TTC34: variants seen among roughly 807,000 people sequenced by gnomAD.
TTC34 encodes the protein tetratricopeptide repeat protein 34.
A neutral mutation model predicts 40.7 loss-of-function variants in TTC34; 44 were observed. The observed-to-expected ratio is 1.08, with a 90% confidence interval of 0.85 to 1.39. TTC34 has a LOEUF of 1.39. Among genes scored for constraint, TTC34 ranks in the 40% most tolerant of loss-of-function variants. TTC34 has a pLI of 0.00. For synonymous variants in TTC34, 422 were observed against 398.6 expected (o/e 1.06, Z -0.70); for missense variants, 884 against 838.0 (o/e 1.05, Z -0.68).
intron 6 of TTC34, among the ~76,000 whole-genome samples, chr1:2,686,999 C>G (rs61765670): frequency 0.05 from 2,871 of 57,356 alleles, 7 homozygotes; most frequent in African/African-American, 0.098. Flanking sequence ...GAAAAGCACC[C>G]ACACCCCCAG....
intron 6 of TTC34, among the ~76,000 whole-genome samples, chr1:2,653,396 C>G (rs796247134): frequency 4.0e-4 from 24 of 59,850 alleles, no homozygotes; most frequent in East Asian, 2.0e-3. Context: ...CAGCATGTAA[C>G]AGCACCCACA....
chr1:2,651,113 C>G (rs1639123348), intron 6 of TTC34, among the ~76,000 whole-genome samples: 1 of 152,034 alleles, frequency 6.6e-6, no homozygotes. Flanking sequence ...CCCAAACCCC[C>G]AGGTGAGCAA....
At chr1:2,683,737 T>A (rs1161371419) in intron 6 of TTC34, among the ~76,000 whole-genome samples, 13 of 149,196 alleles carry the variant, frequency 8.7e-5, no homozygotes, top group African/African-American at 3.3e-4. Context: ...GCTGATATCC[T>A]GGAACAGCAC....
intron 6 of TTC34, among the ~76,000 whole-genome samples, chr1:2,650,578 T>C (rs992930727): frequency 1.9e-4 from 28 of 148,272 alleles, no homozygotes; most frequent in African/African-American, 6.6e-4. Flanking sequence ...AGAATGGCAC[T>C]ACTACCCTGA....
At chr1:2,700,001 C>A (rs1215708612) in intron 6 of TTC34, among the ~76,000 whole-genome samples, 1 of 111,530 alleles carries the variant, frequency 9.0e-6, no homozygotes, top group Non-Finnish European at 2.1e-5. Context: ...CAGCCTGGAG[C>A]AGCGTCCACA....
At chr1:2,652,072 G>C (rs55657722) in intron 6 of TTC34, among the ~76,000 whole-genome samples, 15,845 of 20,326 alleles carry the variant, frequency 0.78, 6,755 homozygotes, top group Non-Finnish European at 0.82. Flanking sequence ...CAGCCTGGAG[G>C]AGCACCCACA....
chr1:2,685,160 C>A (rs1185488796), intron 6 of TTC34, among the ~76,000 whole-genome samples: 2 of 146,008 alleles, frequency 1.4e-5, no homozygotes, highest in African/African-American at 2.7e-5. Context: ...CACCCACAAC[C>A]CCACGTGAGC....
chr1:2,683,882 G>A lies in TTC34; in HGVS notation c.2227-38319C>T, dbSNP rs1352181068. Among the ~76,000 whole-genome samples, 4 of 151,580 alleles carry A rather than the reference G, an allele frequency of 2.6e-5. No individual in the cohort carries two copies. In the South Asian group the frequency reaches 8.3e-4, roughly 32 times the overall value. On this transcript the variant is annotated intron_variant, in intron 6 of 8. Transcript: ENST00000401095. ...TGGAGCAGAACCCACACCCCGAGGC[G>A]AGCATCTGACAGCCTGGGTCGGCAC...
chr1:2,680,544 C>A (rs1640027504), intron 6 of TTC34, among the ~76,000 whole-genome samples: 1 of 143,068 alleles, frequency 7.0e-6, no homozygotes, highest in Non-Finnish European at 1.6e-5. Flanking sequence ...CCCACACCCC[C>A]AGGTGAGCAT....
chr1:2,787,638 C>A (rs1022425489), exon 4 of TTC34: 2 of 1,549,912 alleles, frequency 1.3e-6, no homozygotes, highest in Admixed American at 2.0e-5. Context: ...CGCCAGGAGG[C>A]GAGAGGCCTC....
At chr1:2,754,809 G>C (rs1641450613) in intron 6 of TTC34, among the ~76,000 whole-genome samples, 1 of 151,828 alleles carries the variant, frequency 6.6e-6, no homozygotes, top group African/African-American at 2.4e-5. Context: ...GCCTGGAACA[G>C]AAACCACACC....
intron 6 of TTC34, among the ~76,000 whole-genome samples, chr1:2,749,115 C>A (rs1641236497): frequency 7.1e-6 from 1 of 141,586 alleles, no homozygotes; most frequent in Non-Finnish European, 1.5e-5. Flanking sequence ...TGGAGCAGCA[C>A]CCACACCCCC....
chr1:2,687,506 T>A (rs1162416130), intron 6 of TTC34, among the ~76,000 whole-genome samples: 1 of 73,864 alleles, frequency 1.4e-5, no homozygotes, highest in Admixed American at 1.3e-4. Flanking sequence ...GCATCTGACA[T>A]CCTTGAGCAG....
rs1460155974 is a variant in TTC34, at chr1:2,700,128, C to G, written c.2227-54565G>C. The stretch of plus-strand genomic sequence containing the variant: ...GCATCCGAGAGCCTGGAGCAGCATC[C>G]TCACCCCAGGTGAGCATCGGACATC... On this transcript the variant is annotated intron_variant, in intron 6 of 8. Transcript: ENST00000401095. Among the ~76,000 whole-genome samples, 5 of 115,688 alleles carry G rather than the reference C, an allele frequency of 4.3e-5. 2 individuals are homozygous for G. Among genetic ancestry groups the G allele is most frequent in the Non-Finnish European group, 1.0e-4 (5 of 49,176 alleles). The allele number at this position is 115,688 out of a possible 152,430, so 75.9% of individuals were successfully genotyped here.
intron 6 of TTC34, among the ~76,000 whole-genome samples, chr1:2,757,780 C>T (rs1243889555): frequency 1.4e-5 from 2 of 147,458 alleles, no homozygotes; most frequent in Non-Finnish European, 1.5e-5. Flanking sequence ...ACCCACGGAG[C>T]AGCACCCACA....
intron 6 of TTC34, among the ~76,000 whole-genome samples, chr1:2,750,480 C>CT (rs1641279902): frequency 6.3e-4 from 3 of 4,728 alleles, no homozygotes; most frequent in Non-Finnish European, 7.1e-4. Flanking sequence ...GAACAGCACC[C>CT]ACACCCCCAG....
At chr1:2,786,736 G>T (rs1643595344) in intron 4 of TTC34, among the ~76,000 whole-genome samples, 1 of 152,214 alleles carries the variant, frequency 6.6e-6, no homozygotes, top group African/African-American at 2.4e-5. Context: ...AGGTCGCTGG[G>T]CGAGGGGAGA....
At chr1:2,758,016 T>C (rs1641563685) in intron 6 of TTC34, among the ~76,000 whole-genome samples, 1 of 146,560 alleles carries the variant, frequency 6.8e-6, no homozygotes, top group Admixed American at 6.7e-5. Flanking sequence ...TCTGACAGCA[T>C]GTAACAGCAC....
chr1:2,786,458 A>G (rs1643590553), intron 4 of TTC34, among the ~76,000 whole-genome samples: 1 of 152,162 alleles, frequency 6.6e-6, no homozygotes, highest in African/African-American at 2.4e-5. Flanking sequence ...GCAGAGGAGT[A>G]GGTAGGGAGG....
Sources: gnomAD v4.1 joint callset for allele counts (sites outside exome capture counted in the v4.1 genomes callset) on GRCh38, gnomAD v4.1.1 for gene constraint, MANE v1.5 for transcripts, NCBI Gene and HGNC (gene_info 2026-07-23, HGNC 2026-07-21) for gene names.